The following NUF2 variants were observed in gnomAD, a reference collection of about 807,000 sequenced individuals.
NUF2 encodes NUF2 component of NDC80 kinetochore complex.
NUF2 carries 34 observed loss-of-function variants against 61.8 expected under a neutral mutation model. That is an observed-to-expected ratio of 0.55 (90% CI 0.42 to 0.73). NUF2 has a LOEUF of 0.73. Ranked by LOEUF, NUF2 falls within the 30% of genes least tolerant of loss-of-function variation. The pLI is 0.00. For synonymous variants in NUF2, 172 were observed against 181.6 expected, an observed-to-expected ratio of 0.95 and a Z score of 0.42; for missense variants, 445 against 539.1, an observed-to-expected ratio of 0.83 and a Z score of 1.73.
chr1:163,352,845 G>A (rs924129129), intron 13 of NUF2, among the ~76,000 whole-genome samples: 2 of 151,234 alleles, frequency 1.3e-5, no homozygotes, highest in African/African-American at 4.9e-5. Context: ...CAGCCTGGGC[G>A]ACAGAGCGAG....
At chr1:163,349,348 ATTCTT>A (rs1331772047) in intron 13 of NUF2, among the ~76,000 whole-genome samples, 1 of 152,134 alleles carries the variant, frequency 6.6e-6, no homozygotes, top group Non-Finnish European at 1.5e-5. Context: ...ACCTGTTTCT[ATTCTT>A]TTAACTGCCA....
chr1:163,339,301 TCA>T, intron 7 of NUF2, 78 bp from the exon 8 acceptor site: 1 of 789,764 alleles, frequency 1.3e-6, no homozygotes, highest in Admixed American at 2.3e-5. Context: ...TTTCTTCATC[TCA>T]GTTATTTGAG....
chr1:163,348,699 T>G (rs1458055293), intron 12 of NUF2, among the ~76,000 whole-genome samples: 1 of 152,060 alleles, frequency 6.6e-6, no homozygotes, highest in Non-Finnish European at 1.5e-5. Context: ...ATTTACTCAT[T>G]CACTAACCCA....
intron 7 of NUF2, among the ~76,000 whole-genome samples, chr1:163,339,029 G>A (rs9287056): frequency 2.6e-5 from 4 of 152,038 alleles, no homozygotes; most frequent in East Asian, 3.9e-4. Flanking sequence ...AGAATGGATG[G>A]TATGGGAGTA....
At chr1:163,347,360 C>A (rs1651167820) in intron 11 of NUF2, among the ~76,000 whole-genome samples, 1 of 152,200 alleles carries the variant, frequency 6.6e-6, no homozygotes, top group Non-Finnish European at 1.5e-5. Flanking sequence ...TCTTTCCCAA[C>A]TACATAGTCC....
At chr1:163,328,062 G>C in intron 3 of NUF2, 166 bp from the exon 4 acceptor site, 1 of 484,296 alleles carries the variant, frequency 2.1e-6, no homozygotes, top group Non-Finnish European at 3.6e-6. Flanking sequence ...AGCACCTACT[G>C]TGAACCTAGC....
In NUF2 at chr1:163,343,846, G is replaced by C; in HGVS notation, c.783G>C (p.Thr261=). 7.0e-7 allele frequency: 1 copy of C among 1,424,864 alleles called. No individual in the cohort carries two copies. The highest frequency in any genetic ancestry group is 9.2e-7 in the Non-Finnish European group (1 of 1,083,938). 88.3% of individuals were successfully genotyped at this position (1,424,864 alleles called of 1,614,324 possible). The change falls in exon 10 of 14, where the codon ACG becomes ACC. Residue 261 remains threonine (T), a synonymous_variant. Transcript: ENST00000271452. ...LKNYKEKMKD[T]VQKLKNARQE... ...ATTATAAAGAAAAAATGAAAGATAC[G>C]GTCCAGAAGCTTAAAAATGCCAGAG...
At chr1:163,324,785 C>T (rs945298192) in intron 1 of NUF2, among the ~76,000 whole-genome samples, 42 of 152,036 alleles carry the variant, frequency 2.8e-4, no homozygotes, top group African/African-American at 9.9e-4. Flanking sequence ...CCTTACTTAC[C>T]GGAATCTCAC....
At chr1:163,331,190 T>C (rs1033603802) in intron 5 of NUF2, among the ~76,000 whole-genome samples, 7 of 151,896 alleles carry the variant, frequency 4.6e-5, no homozygotes, top group African/African-American at 1.7e-4. Context: ...ATGTTTTTTA[T>C]CAGAATGTAC....
At position 163,339,370 on chromosome 1, in the gene NUF2, G is replaced by T; in HGVS notation, c.510-11G>T. 4 of 1,558,044 alleles carry T rather than the reference G, an allele frequency of 2.6e-6. No homozygotes were observed. Among genetic ancestry groups the T allele is most frequent in the Non-Finnish European group, 3.5e-6 (4 of 1,131,510 alleles). ...GAAGAGCAGTATTTTAATCTATTTT[G>T]CTGTGTTAAGTTCTGTTCCAGTTGA... is the stretch of plus-strand genomic sequence containing the variant. On this transcript the variant is annotated splice_polypyrimidine_tract_variant and intron_variant, in intron 7 of 13. Transcript: ENST00000271452.
intron 12 of NUF2, among the ~76,000 whole-genome samples, chr1:163,348,456 T>C (rs569195414): frequency 2.0e-5 from 3 of 152,300 alleles, no homozygotes; most frequent in Admixed American, 2.0e-4. Context: ...CAGATATGTC[T>C]ATAATCTCAT....
At chr1:163,342,891 G>A (rs1650993418) in intron 9 of NUF2, among the ~76,000 whole-genome samples, 1 of 152,012 alleles carries the variant, frequency 6.6e-6, no homozygotes, top group South Asian at 2.1e-4. Flanking sequence ...TGTGTTATAT[G>A]TTGATCTGTG....
Position 163,355,594 on chromosome 1 carries a change from A to C in NUF2, c.*125A>C. On this transcript the variant is annotated 3_prime_UTR_variant, in exon 14 of 14. Coordinates refer to ENST00000271452, the MANE Select transcript of NUF2 (RefSeq NM_145697.3). ...TAATGTTGGCTTCATCAGTTTTTATACACTCTCATAAGTAGTTAATAAGAT... is the reference window on the plus strand; with the variant it reads ...TAATGTTGGCTTCATCAGTTTTTATCCACTCTCATAAGTAGTTAATAAGAT... The C allele has an allele frequency of 3.0e-6, 2 of 672,348 alleles. No homozygotes were observed. The highest frequency in any genetic ancestry group is 3.0e-5 in the East Asian group (1 of 33,660). 41.6% of individuals were successfully genotyped at this position (672,348 alleles called of 1,614,324 possible).
intron 13 of NUF2, among the ~76,000 whole-genome samples, chr1:163,350,275 C>T (rs988719475): frequency 7.3e-4 from 110 of 151,018 alleles, no homozygotes; most frequent in African/African-American, 2.6e-3. Flanking sequence ...GCACTCCAGC[C>T]TGGGCGACAG....
intron 12 of NUF2, 57 bp downstream of exon 12, chr1:163,347,995 A>G: frequency 7.9e-7 from 1 of 1,262,230 alleles, no homozygotes; most frequent in Non-Finnish European, 1.1e-6. Flanking sequence ...AAACAAATAC[A>G]TTTTTCCCCC....
chr1:163,337,032 A>T (rs1212974917), intron 6 of NUF2, among the ~76,000 whole-genome samples, 184 bp downstream of exon 6: 1 of 152,036 alleles, frequency 6.6e-6, no homozygotes, highest in Non-Finnish European at 1.5e-5. Context: ...TCAGAATCAG[A>T]TTTTCTTTGA....
chr1:163,336,375 A>C (rs1650759720), intron 5 of NUF2, among the ~76,000 whole-genome samples: 1 of 152,180 alleles, frequency 6.6e-6, no homozygotes, highest in Non-Finnish European at 1.5e-5. Context: ...TAAACTCTTC[A>C]GTCATGGACT....
intron 8 of NUF2, 82 bp downstream of exon 8, chr1:163,339,559 A>G: frequency 1.3e-6 from 1 of 770,060 alleles, no homozygotes; most frequent in Non-Finnish European, 2.2e-6. Context: ...AGGTAACAGC[A>G]CATTGCTTTC....
At chr1:163,354,724 A>G (rs1651431427) in intron 13 of NUF2, among the ~76,000 whole-genome samples, 2 of 152,106 alleles carry the variant, frequency 1.3e-5, no homozygotes, top group African/African-American at 4.8e-5. Context: ...TAAAAGAAGT[A>G]AATAATGGAA....
Sources: gnomAD v4.1 joint callset for allele counts (sites outside exome capture counted in the v4.1 genomes callset) on GRCh38, gnomAD v4.1.1 for gene constraint, MANE v1.5 for transcripts, NCBI Gene and HGNC (gene_info 2026-07-23, HGNC 2026-07-21) for gene names.